The following ERMARD variants were observed in gnomAD, a reference collection of about 807,000 sequenced individuals.
ERMARD encodes endoplasmic reticulum membrane-associated RNA degradation protein.
A neutral mutation model predicts 83.9 loss-of-function variants in ERMARD; 71 were observed. The observed-to-expected ratio is 0.85, with a 90% CI of 0.70 to 1.03. The LOEUF (loss-of-function observed/expected upper bound fraction) is 1.03, where lower values mean the gene tolerates loss of function less well. Ranked by LOEUF, ERMARD falls within the 50% of genes least tolerant of loss-of-function variation. ERMARD has a pLI of 0.00. For synonymous variants in ERMARD, 284 were observed against 298.6 expected (o/e 0.95, Z 0.50); for missense variants, 838 against 810.9 (o/e 1.03, Z -0.41).
chr6:169,768,411 G>GT (rs1290578168), intron 11 of ERMARD, among the ~76,000 whole-genome samples: 1 of 152,120 alleles, frequency 6.6e-6, no homozygotes, highest in African/African-American at 2.4e-5. Context: ...ATTTGTATTT[G>GT]TTTTTTACAT....
At chr6:169,767,048 A>C (rs544867797) in intron 10 of ERMARD, 2 of 168,248 alleles carry the variant, frequency 1.2e-5, no homozygotes, top group South Asian at 3.8e-4. Flanking sequence ...TGGCGGTGTG[A>C]ATAGTAGAAA....
chr6:169,773,530 A>G, intron 13 of ERMARD, 128 bp downstream of exon 13: 1 of 867,642 alleles, frequency 1.2e-6, no homozygotes, highest in South Asian at 1.6e-5. Flanking sequence ...CCAGCTTTTT[A>G]ACCAGTGCGG....
intron 14 of ERMARD, 33 bp downstream of exon 14, chr6:169,775,379 A>C (rs773084585): frequency 6.2e-7 from 1 of 1,607,402 alleles, no homozygotes; most frequent in South Asian, 1.1e-5. Flanking sequence ...GCTGACCTCA[A>C]GCTTGTCTGG....
chr6:169,773,102 CTAT>C (rs1332288125), intron 12 of ERMARD: 18 of 481,642 alleles, frequency 3.7e-5, no homozygotes, highest in Non-Finnish European at 6.2e-5. Flanking sequence ...CATTTGTGAT[CTAT>C]TATTGTTAAT....
intron 6 of ERMARD, 80 bp downstream of exon 6, chr6:169,759,145 A>T (rs1192874991): frequency 1.6e-6 from 2 of 1,246,702 alleles, no homozygotes; most frequent in Non-Finnish European, 2.3e-6. Flanking sequence ...CATGAGAAGG[A>T]AATAGATTTT....
At position 169,775,198 on chromosome 6, in the gene ERMARD, C is replaced by T. The variant is rs1269171387; in HGVS notation, c.1318-72C>T. On this transcript the variant is annotated intron_variant, in intron 13 of 17. Transcript: ENST00000366773. Reference sequence around the variant, plus strand: ...ACGTATTTTCTAGAGAGTGATGTAACATCCATAAAAACACAGATTTTCTAG... The same window carrying T: ...ACGTATTTTCTAGAGAGTGATGTAATATCCATAAAAACACAGATTTTCTAG... 2.7e-6 allele frequency: 4 copies of T among 1,456,930 alleles called. No homozygotes were observed. The African/African-American group carries it at 5.6e-5, about 20-fold the overall frequency. 90.3% of individuals were successfully genotyped at this position (1,456,930 alleles called of 1,614,324 possible).
intron 7 of ERMARD, 57 bp downstream of exon 7, chr6:169,760,031 A>C: frequency 1.2e-6 from 2 of 1,607,410 alleles, no homozygotes; most frequent in Non-Finnish European, 1.7e-6. Context: ...TTGCAAAGTC[A>C]GTAAACAGCA....
chr6:169,753,971 A>G lies in ERMARD; in HGVS notation c.114A>G (p.Val38=), dbSNP rs760228453. The G allele has an allele frequency of 1.2e-6, 2 of 1,613,720 alleles. No individual in the cohort carries two copies. The highest frequency in any genetic ancestry group is 8.5e-7 in the Non-Finnish European group (1 of 1,179,716). ...AAAATTGTGATATCAATAGCATTGT[A>G]ACTCAGAATGGTGAAGTATGCTGGA... ...LRENCDINSI[V]TQNGEVCWKT... The change falls in exon 2 of 18, where the codon GTA becomes GTG. Residue 38 remains valine, a synonymous_variant. Coordinates refer to ENST00000366773, the MANE Select transcript of ERMARD (RefSeq NM_018341.3).
At position 169,760,589 on chromosome 6, in the gene ERMARD, C is replaced by CT. The variant is rs558573240; in HGVS notation, c.743-47dup. The stretch of plus-strand genomic sequence containing the variant: ...CATCACTCCCCCAGCATGTTTCCAT[C>CT]TTTTTTCAGTTGATCAGTATGATTG... On this transcript the variant is annotated intron_variant, in intron 7 of 17. Coordinates refer to ENST00000366773, the MANE Select transcript of ERMARD (RefSeq NM_018341.3). The CT allele has an allele frequency of 5.9e-4, 790 of 1,328,156 alleles. 4 individuals carry two copies. In the African/African-American group the frequency reaches 0.01, roughly 17 times the overall value. 82.3% of individuals were successfully genotyped at this position (1,328,156 alleles called of 1,614,324 possible).
chr6:169,778,226 C>T lies in ERMARD; in HGVS notation c.1740-956C>T, dbSNP rs138160331. On this transcript the variant is annotated intron_variant, in intron 16 of 17. Transcript: ENST00000366773. ...ATTTCTTTTCTCACTGATGTTGTGA[C>T]GAAACAATGTTGAATGAAATGATGT... Among the ~76,000 whole-genome samples the T allele has an allele frequency of 5.0e-3, 767 of 152,250 alleles. 13 individuals are homozygous for T. The highest frequency in any genetic ancestry group is 0.018 in the African/African-American group (745 of 41,520).
intron 16 of ERMARD, among the ~76,000 whole-genome samples, chr6:169,777,512 C>T (rs4716401): frequency 0.31 from 46,399 of 152,038 alleles, 8,242 homozygotes; most frequent in African/African-American, 0.49. Context: ...ATTTATTTTC[C>T]TTTCATGATA....
intron 10 of ERMARD, chr6:169,767,614 A>C (rs537826674): frequency 1.1e-3 from 187 of 172,186 alleles, no homozygotes; most frequent in African/African-American, 4.3e-3. Context: ...ACACATGAAC[A>C]CATACCTCCA....
At chr6:169,773,075 A>G (rs1462764952) in intron 12 of ERMARD, 1 of 418,080 alleles carries the variant, frequency 2.4e-6, no homozygotes, top group Non-Finnish European at 4.2e-6. Flanking sequence ...AGTTTTGTGC[A>G]CAGAGGGTGG....
chr6:169,769,072 T>G (rs983509625), intron 11 of ERMARD, among the ~76,000 whole-genome samples: 6 of 152,228 alleles, frequency 3.9e-5, no homozygotes, highest in African/African-American at 1.4e-4. Context: ...TTCTGACCAT[T>G]GGCGGTTTGC....
At chr6:169,777,143 G>T (rs1009822147) in intron 16 of ERMARD, among the ~76,000 whole-genome samples, 10 of 152,188 alleles carry the variant, frequency 6.6e-5, no homozygotes, top group Admixed American at 3.3e-4. Flanking sequence ...TGTGAGTGGG[G>T]GTAGAGGAAT....
chr6:169,759,780 G>A lies in ERMARD; in HGVS notation c.606-58G>A. 2.0e-6 allele frequency: 3 copies of A among 1,469,714 alleles called. No homozygotes were observed. The East Asian group carries it at 6.9e-5, about 34-fold the overall frequency. 91.0% of individuals were successfully genotyped at this position (1,469,714 alleles called of 1,614,324 possible). On this transcript the variant is annotated intron_variant, in intron 6 of 17. Transcript: ENST00000366773. The stretch of plus-strand genomic sequence containing the variant: ...TTAAATTTGTATTTTTCACAGTGAA[G>A]CTTTTTATAGGCATGATTGAGTACA...
chr6:169,769,537 A>C lies in ERMARD; in HGVS notation c.1060-3A>C. 1.3e-6 allele frequency: 2 copies of C among 1,593,798 alleles called. No homozygotes were observed. Among genetic ancestry groups the C allele is most frequent in the Non-Finnish European group, 1.7e-6 (2 of 1,171,110 alleles). The stretch of plus-strand genomic sequence containing the variant: ...AATATTTTCTCTGTTTAATTTCTGA[A>C]AGGAATTTCTCTGGGATTTCCTGAA... On this transcript the variant is annotated splice_region_variant and splice_polypyrimidine_tract_variant and intron_variant, in intron 11 of 17. Coordinates refer to ENST00000366773, the MANE Select transcript of ERMARD (RefSeq NM_018341.3).
intron 14 of ERMARD, 196 bp from the exon 15 acceptor site, chr6:169,775,744 C>T: frequency 2.9e-6 from 2 of 682,490 alleles, no homozygotes; most frequent in Non-Finnish European, 4.8e-6. Context: ...CTCGTCGTCA[C>T]TGGACTTTGC....
intron 9 of ERMARD, 134 bp from the exon 10 acceptor site, chr6:169,766,504 T>C (rs1792225344): frequency 1.6e-6 from 1 of 610,818 alleles, no homozygotes. Flanking sequence ...ATAGTGTTTC[T>C]AGATGAATGT....
Sources: gnomAD v4.1 joint callset for allele counts (sites outside exome capture counted in the v4.1 genomes callset) on GRCh38, gnomAD v4.1.1 for gene constraint, MANE v1.5 for transcripts, NCBI Gene and HGNC (gene_info 2026-07-23, HGNC 2026-07-21) for gene names.